The following LINGO2 variants were observed in gnomAD, a reference collection of about 807,000 sequenced individuals.
LINGO2 encodes leucine-rich repeat and immunoglobulin-like domain-containing nogo receptor-interacting protein 2.
A neutral mutation model predicts 30.6 loss-of-function variants in LINGO2; 14 were observed. That is an observed-to-expected ratio of 0.46 (90% CI 0.30 to 0.72). The LOEUF (loss-of-function observed/expected upper bound fraction) is 0.72, where lower values mean the gene tolerates loss of function less well. Ranked by LOEUF, LINGO2 falls within the 30% of genes least tolerant of loss-of-function variation. The pLI is 0.07. For synonymous variants in LINGO2, 317 were observed against 288.5 expected, an observed-to-expected ratio of 1.10 and a Z score of -1.00; for missense variants, 729 against 751.7, an observed-to-expected ratio of 0.97 and a Z score of 0.35.
At chr9:28,792,647 A>C in the LINGO2 span, among the ~76,000 whole-genome samples, 1 of 152,134 alleles carries the variant, frequency 6.6e-6, no homozygotes, top group African/African-American at 2.4e-5. Flanking sequence ...TAAATATGTG[A>C]CAATAATTCT....
chr9:29,153,736 G>A, the LINGO2 span, among the ~76,000 whole-genome samples: 4 of 152,130 alleles, frequency 2.6e-5, no homozygotes, highest in Non-Finnish European at 5.9e-5. Flanking sequence ...ATAAATCTCT[G>A]CAATCAAACT....
the LINGO2 span, among the ~76,000 whole-genome samples, chr9:28,795,983 T>TACAAACACAC: frequency 7.2e-6 from 1 of 138,166 alleles, no homozygotes; most frequent in Non-Finnish European, 1.5e-5. Flanking sequence ...CAGTACTAGA[T>TACAAACACAC]ACACACACAC....
intron 4 of LINGO2, among the ~76,000 whole-genome samples, chr9:28,146,465 G>T (rs964305029): frequency 3.9e-5 from 6 of 152,146 alleles, no homozygotes; most frequent in African/African-American, 1.2e-4. Context: ...GGAAAGAATT[G>T]CAGCTATAGA....
At chr9:28,379,078 T>G (rs186472849) in intron 2 of LINGO2, among the ~76,000 whole-genome samples, 68 of 152,268 alleles carry the variant, frequency 4.5e-4, no homozygotes, top group African/African-American at 1.6e-3. Context: ...AAATAATATT[T>G]TAATAATTTC....
chr9:28,282,140 G>A (rs898894994), intron 4 of LINGO2, among the ~76,000 whole-genome samples: 14 of 152,094 alleles, frequency 9.2e-5, no homozygotes, highest in Non-Finnish European at 1.2e-4. Context: ...ATGCAATTAC[G>A]TTCTGATTCA....
chr9:28,896,096 C>T, the LINGO2 span, among the ~76,000 whole-genome samples: 5 of 152,074 alleles, frequency 3.3e-5, no homozygotes, highest in South Asian at 8.3e-4. Context: ...GGAAGTACAG[C>T]TCTCAAGAGA....
chr9:29,104,028 A>G, the LINGO2 span, among the ~76,000 whole-genome samples: 1 of 152,186 alleles, frequency 6.6e-6, no homozygotes, highest in African/African-American at 2.4e-5. Context: ...AAGGTGCTTA[A>G]TATAGTACCC....
chr9:28,094,513 ATG>A (rs148153724), intron 4 of LINGO2, among the ~76,000 whole-genome samples: 4 of 150,478 alleles, frequency 2.7e-5, no homozygotes, highest in African/African-American at 7.4e-5. Context: ...GAAAGGGGAT[ATG>A]TGTGTGTGTG....
chr9:28,008,585 GT>G (rs34186561), intron 5 of LINGO2, among the ~76,000 whole-genome samples: 117,512 of 151,956 alleles, frequency 0.77, 46,707 homozygotes, highest in Admixed American at 0.86. Flanking sequence ...GAATAGATGA[GT>G]TTTAGCAAGA....
At chr9:28,439,070 T>C (rs1824082095) in intron 2 of LINGO2, among the ~76,000 whole-genome samples, 1 of 147,666 alleles carries the variant, frequency 6.8e-6, no homozygotes, top group South Asian at 2.1e-4. Context: ...TTATATATAA[T>C]GAAATATAGA....
the LINGO2 span, among the ~76,000 whole-genome samples, chr9:29,075,522 ATTC>A: frequency 2.7e-4 from 41 of 152,252 alleles, no homozygotes; most frequent in African/African-American, 8.7e-4. Flanking sequence ...TTTATTTCGA[ATTC>A]TTCTTCTTCA....
the LINGO2 span, among the ~76,000 whole-genome samples, chr9:29,067,906 T>C: frequency 1.3e-5 from 2 of 151,688 alleles, no homozygotes; most frequent in Admixed American, 1.3e-4. Flanking sequence ...AAATTTGCTA[T>C]GGAGAGCAAA....
intron 1 of LINGO2, among the ~76,000 whole-genome samples, chr9:28,552,686 C>T (rs1335674042): frequency 6.9e-6 from 1 of 145,868 alleles, no homozygotes; most frequent in African/African-American, 2.5e-5. Context: ...TTTCTGTTTT[C>T]TCCTTCCGGG....
At chr9:28,701,725 T>A in the LINGO2 span, among the ~76,000 whole-genome samples, 20 of 151,980 alleles carry the variant, frequency 1.3e-4, no homozygotes, top group Non-Finnish European at 2.7e-4. Context: ...ATAAATCAAG[T>A]TGAAAAAAAT....
chr9:28,443,393 G>A (rs1824277295), intron 2 of LINGO2, among the ~76,000 whole-genome samples: 2 of 152,200 alleles, frequency 1.3e-5, no homozygotes, highest in South Asian at 4.1e-4. Flanking sequence ...CGGGGAACAG[G>A]CGGGAGCCCT....
the LINGO2 span, among the ~76,000 whole-genome samples, chr9:28,750,569 C>T: frequency 2.6e-5 from 4 of 151,916 alleles, no homozygotes; most frequent in African/African-American, 4.8e-5. Context: ...ATCATTTTTC[C>T]TATTGTGTAA....
the LINGO2 span, among the ~76,000 whole-genome samples, chr9:29,062,577 C>T: frequency 6.6e-6 from 1 of 151,994 alleles, no homozygotes; most frequent in Admixed American, 6.6e-5. Context: ...GTGAAATAAG[C>T]CAGCCACAAA....
intron 2 of LINGO2, among the ~76,000 whole-genome samples, chr9:28,414,038 G>T (rs758537224): frequency 3.9e-5 from 6 of 151,978 alleles, no homozygotes; most frequent in Non-Finnish European, 8.8e-5. Flanking sequence ...CACTGAATCA[G>T]AGTTGTACAT....
chr9:28,851,156 T>G, the LINGO2 span, among the ~76,000 whole-genome samples: 1 of 152,048 alleles, frequency 6.6e-6, no homozygotes, highest in African/African-American at 2.4e-5. Flanking sequence ...CTATAACAAG[T>G]TACAAGATAT....
Sources: gnomAD v4.1 joint callset for allele counts (sites outside exome capture counted in the v4.1 genomes callset) on GRCh38, gnomAD v4.1.1 for gene constraint, MANE v1.5 for transcripts, NCBI Gene and HGNC (gene_info 2026-07-23, HGNC 2026-07-21) for gene names.